Variants in ZNF469 observed in about 807,000 individuals in gnomAD.
ZNF469 encodes the protein zinc finger protein 469.
In ZNF469, 1 loss-of-function variant was observed where a neutral mutation model predicts 1.0. The observed-to-expected ratio is 1.00, with a 90% confidence interval of 0.35 to 4.73. The LOEUF is 4.73. ZNF469 is among the 30% of genes most tolerant of loss of function. The pLI, the probability that ZNF469 is intolerant of heterozygous loss-of-function variation, is 0.16. For missense variants in ZNF469, 6,100 were observed against 5,356.3 expected, an observed-to-expected ratio of 1.14 and a Z score of -4.33; for synonymous variants, 2,703 against 2,363.4, an observed-to-expected ratio of 1.14 and a Z score of -4.17.
rs553460850 is a variant in ZNF469 at position 88,431,020 on chromosome 16, G to A, written c.3550G>A (p.Ala1184Thr). The change falls in exon 3 of 3, where the codon GCC becomes ACC. Residue 1184 changes from alanine to threonine, a missense_variant. Transcript: ENST00000565624. Reference sequence around the variant, plus strand: ...TCGAAGCCTGGAGACGGGAGCGGCCGCCAGGGAGGGAGGCCCCAAGTGTGC... The same window carrying A: ...TCGAAGCCTGGAGACGGGAGCGGCCACCAGGGAGGGAGGCCCCAAGTGTGC... The part of the protein sequence containing the change: ...PSRSLETGAA[A>T]REGGPKCADR... 4.6e-5 allele frequency: 71 copies of A among 1,544,484 alleles called. No individual in the cohort carries two copies. In the East Asian group the frequency reaches 1.3e-3, roughly 29 times the overall value.
the ZNF469 span, among the ~76,000 whole-genome samples, chr16:88,365,563 GC>G: frequency 6.0e-3 from 915 of 152,354 alleles, 11 homozygotes; most frequent in African/African-American, 0.021. Context: ...CCTGGAGCCG[GC>G]CAGCAGAAGC....
At position 88,435,654 on chromosome 16, in the gene ZNF469, G is replaced by A. The variant is rs1449634930; in HGVS notation, c.8184G>A (p.Arg2728=). The part of the protein sequence containing the change: ...ETGAQKPPGD[R]MLCPGRMDGA... ...GGGCCCAGAAGCCACCTGGAGATCG[G>A]ATGCTGTGTCCAGGGAGGATGGATG... The change falls in exon 3 of 3, where the codon CGG becomes CGA. Residue 2728 remains arginine, a synonymous_variant. Coordinates refer to ENST00000565624, the MANE Select transcript of ZNF469 (RefSeq NM_001367624.2). 1.3e-6 allele frequency: 2 copies of A among 1,550,410 alleles called. No individual in the cohort carries two copies. The highest frequency in any genetic ancestry group is 2.7e-5 in the African/African-American group (2 of 73,040).
chr16:88,427,650 C>T lies in ZNF469; in HGVS notation c.180C>T (p.Leu60=), dbSNP rs1290959718. The T allele has an allele frequency of 6.5e-7, 1 of 1,536,870 alleles. No individual in the cohort carries two copies. Among genetic ancestry groups the T allele is most frequent in the Non-Finnish European group, 8.7e-7 (1 of 1,145,868 alleles). ...GCGGCCAGGCCCAGGCCATGGAGCT[C>T]CCCGAGGCCCAGCCAAGGCAGGCCA... ...EAGGQAQAME[L]PEAQPRQARD... The change falls in exon 3 of 3, where the codon CTC becomes CTT. Residue 60 remains leucine, a synonymous_variant. Coordinates refer to ENST00000565624, the MANE Select transcript of ZNF469 (RefSeq NM_001367624.2).
chr16:88,433,735 A>C lies in ZNF469; in HGVS notation c.6265A>C (p.Ser2089Arg). The change falls in exon 3 of 3, where the codon AGC becomes CGC. Residue 2089 changes from serine to arginine, a missense_variant. Ser to Arg is a moderately radical substitution (Grantham distance 110, BLOSUM62 -1). Coordinates refer to ENST00000565624, the MANE Select transcript of ZNF469 (RefSeq NM_001367624.2). ...GGGCCGGACTCCAGAGAGGGCGTCC[A>C]GCCCCGGCCTGAACAAGCCACTGCT... ...SEGRTPERAS[S>R]PGLNKPLLAT... 4 of 1,548,864 alleles carry C rather than the reference A, an allele frequency of 2.6e-6. No homozygotes were observed. The highest frequency in any genetic ancestry group is 3.5e-6 in the Non-Finnish European group (4 of 1,146,762).
the ZNF469 span, among the ~76,000 whole-genome samples, chr16:88,278,529 G>A: frequency 2.0e-5 from 2 of 102,230 alleles, no homozygotes; most frequent in Non-Finnish European, 4.3e-5. Context: ...GTAGATATCA[G>A]TGCACAGTTA....
the ZNF469 span, among the ~76,000 whole-genome samples, chr16:88,367,604 A>C: frequency 1.3e-5 from 2 of 152,198 alleles, no homozygotes; most frequent in Non-Finnish European, 2.9e-5. Context: ...AATCAAAGCA[A>C]AGCGACCATG....
At chr16:88,409,678 GA>G (rs941819800) in intron 1 of ZNF469, among the ~76,000 whole-genome samples, 1 of 152,188 alleles carries the variant, frequency 6.6e-6, no homozygotes, top group African/African-American at 2.4e-5. Flanking sequence ...GAATGGAGAC[GA>G]AAAATGCATG....
At chr16:88,298,564 G>T in the ZNF469 span, among the ~76,000 whole-genome samples, 1 of 152,206 alleles carries the variant, frequency 6.6e-6, no homozygotes, top group Non-Finnish European at 1.5e-5. Flanking sequence ...CTGAGGCGTG[G>T]AGAGGACATG....
At position 88,392,393 on chromosome 16, in the gene ZNF469, C is replaced by G. The variant is rs189862167; in HGVS notation, c.-192+9139C>G. Among the ~76,000 whole-genome samples the G allele has an allele frequency of 1.2e-3, 188 of 152,382 alleles. 1 individual carries two copies. The highest frequency in any genetic ancestry group is 3.7e-3 in the African/African-American group (154 of 41,596). On this transcript the variant is annotated intron_variant, in intron 1 of 2. Transcript: ENST00000565624. ...GTAGGTGCCTCCTCCCCAGCCCAGC[C>G]TTCTCACGCCTGACAGCCTTCTCTG...
the ZNF469 span, among the ~76,000 whole-genome samples, chr16:88,135,295 A>G: frequency 6.6e-6 from 1 of 152,178 alleles, no homozygotes; most frequent in South Asian, 2.1e-4. Context: ...GGCACACATC[A>G]TTTGTCGTCT....
the ZNF469 span, among the ~76,000 whole-genome samples, chr16:88,102,075 C>T: frequency 7.1e-6 from 1 of 141,666 alleles, no homozygotes; most frequent in African/African-American, 2.5e-5. Context: ...CCGCCCCCCG[C>T]CCAGTGTCCT....
upstream of ZNF469, among the ~76,000 whole-genome samples, chr16:88,380,287 A>G (rs1458954111): frequency 7.0e-6 from 1 of 141,982 alleles, no homozygotes; most frequent in African/African-American, 3.1e-5. Flanking sequence ...AGACATGCAC[A>G]CACACACACG....
the ZNF469 span, among the ~76,000 whole-genome samples, chr16:88,369,876 C>G: frequency 6.6e-6 from 1 of 152,230 alleles, no homozygotes. Flanking sequence ...CCCACCGCGC[C>G]CTCAGAAACC....
At chr16:88,308,088 AATT>A in the ZNF469 span, among the ~76,000 whole-genome samples, 1 of 152,174 alleles carries the variant, frequency 6.6e-6, no homozygotes, top group South Asian at 2.1e-4. Flanking sequence ...CTGTTGCAAA[AATT>A]ATTCTTTCCC....
chr16:88,142,772 A>T, the ZNF469 span, among the ~76,000 whole-genome samples: 1 of 152,144 alleles, frequency 6.6e-6, no homozygotes, highest in Non-Finnish European at 1.5e-5. Context: ...GTCGCTGTGG[A>T]TCCCACCCGA....
chr16:88,431,591 A>T lies in ZNF469; in HGVS notation c.4121A>T (p.Gln1374Leu), dbSNP rs1171129257. 6.5e-7 allele frequency: 1 copy of T among 1,550,336 alleles called. No homozygotes were observed. The highest frequency in any genetic ancestry group is 8.7e-7 in the Non-Finnish European group (1 of 1,146,998). The change falls in exon 3 of 3, where the codon CAG (glutamine) becomes CTG (leucine). Residue 1374 changes from glutamine to leucine, a missense_variant. Physicochemically the swap from Gln to Leu is moderately radical, Grantham distance 113 (BLOSUM62 -2). Transcript: ENST00000565624. ...LGVPVAKKGP[Q>L]PYSSPHSELF... ...GTTCCAGTTGCCAAAAAGGGGCCTC[A>T]GCCCTACAGCAGCCCCCACAGTGAG...
chr16:88,341,903 T>C, the ZNF469 span, among the ~76,000 whole-genome samples: 46 of 152,236 alleles, frequency 3.0e-4, no homozygotes, highest in African/African-American at 1.0e-3. Flanking sequence ...GCGCTGGCCA[T>C]CTGGGAAGGC....
upstream of ZNF469, among the ~76,000 whole-genome samples, chr16:88,380,756 TCA>T (rs1321703127): frequency 5.9e-4 from 53 of 89,532 alleles, no homozygotes; most frequent in Non-Finnish European, 9.6e-4. Context: ...AGACATGCAC[TCA>T]CAGACGTCCT....
rs938985810 is a variant in ZNF469 at position 88,433,050 on chromosome 16, G to C, written c.5580G>C (p.Ala1860=). ...TTGAGGGTAATGAGTTTGCACCGGCGGGGGCCTCCTCACTGACTGCCCCCC... is the reference window on the plus strand; with the variant it reads ...TTGAGGGTAATGAGTTTGCACCGGCCGGGGCCTCCTCACTGACTGCCCCCC... ...PGFEGNEFAP[A]GASSLTAPRG... Residue 1860 remains alanine (A), a synonymous_variant, in exon 3 of 3, where the codon GCG becomes GCC. Transcript: ENST00000565624. The C allele has an allele frequency of 3.2e-6, 5 of 1,550,362 alleles. No homozygotes were observed. Among genetic ancestry groups the C allele is most frequent in the Non-Finnish European group, 4.4e-6 (5 of 1,146,982 alleles).
Sources: allele counts gnomAD v4.1 joint callset (sites outside exome capture counted in the v4.1 genomes callset), GRCh38; gene constraint gnomAD v4.1.1; transcripts MANE v1.5; gene names NCBI Gene and HGNC (gene_info 2026-07-23, HGNC 2026-07-21).